The following TTC17 variants were observed in gnomAD, a reference collection of about 807,000 sequenced individuals.
TTC17 encodes the protein tetratricopeptide repeat protein 17.
TTC17 carries 58 observed loss-of-function variants against 143.8 expected under a neutral mutation model. The observed-to-expected ratio is 0.40, with a 90% CI of 0.33 to 0.50. TTC17 has a LOEUF of 0.50. Among genes scored for constraint, TTC17 ranks in the 20% least tolerant of loss-of-function variants. TTC17 has a pLI of 0.49. For missense variants in TTC17, 1,273 were observed against 1,392.5 expected, an observed-to-expected ratio of 0.91 and a Z score of 1.37; for synonymous variants, 501 against 497.8, an observed-to-expected ratio of 1.01 and a Z score of -0.09.
chr11:43,426,138 T>C (rs368320998), intron 16 of TTC17, among the ~76,000 whole-genome samples: 1 of 152,254 alleles, frequency 6.6e-6, no homozygotes, highest in South Asian at 2.1e-4. Flanking sequence ...AATAAAGCCC[T>C]ATTTCACTTG....
rs78822028 is a variant in TTC17, at chr11:43,492,886, G to A, written c.3294+723G>A. 9.1e-3 allele frequency among the ~76,000 whole-genome samples: 1,388 copies of A among 152,340 alleles called. 14 individuals are homozygous for A. The highest frequency in any genetic ancestry group is 0.014 in the Admixed American group (215 of 15,302). On this transcript the variant is annotated intron_variant, in intron 23 of 23. Transcript: ENST00000039989. ...ATTTAGCATGAGAATCATGCCATTC[G>A]CTTTCATCTAAAATGTGGCATCACA...
At chr11:43,370,222 G>A (rs1173946308) in intron 1 of TTC17, 1 of 370,718 alleles carries the variant, frequency 2.7e-6, no homozygotes, top group Non-Finnish European at 5.4e-6. Flanking sequence ...TCCATGAGAA[G>A]TGGAGCAACA....
intron 23 of TTC17, 117 bp downstream of exon 23, chr11:43,492,280 T>C: frequency 7.3e-7 from 1 of 1,360,766 alleles, no homozygotes; most frequent in Non-Finnish European, 9.9e-7. Context: ...TTGTCTAAAA[T>C]TGCTGGTTCC....
rs140757551 is a variant in TTC17, at chr11:43,444,882, T to A, written c.2665+673T>A. 6.6e-5 allele frequency among the ~76,000 whole-genome samples: 10 copies of A among 152,294 alleles called. No homozygotes were observed. In the East Asian group the frequency reaches 1.9e-3, roughly 29 times the overall value. On this transcript the variant is annotated intron_variant, in intron 18 of 23. Transcript: ENST00000039989. ...TTAAATGTGTAACACACATTTTATT[T>A]AACTGAAGTGAATTTTGCGGCAGTC... is the stretch of plus-strand genomic sequence containing the variant.
intron 21 of TTC17, chr11:43,466,698 A>C: frequency 5.5e-6 from 2 of 366,114 alleles, no homozygotes; most frequent in African/African-American, 4.3e-5. Context: ...TGCTGCACCC[A>C]AAACAAATGA....
At chr11:43,482,061 C>T (rs1379092196) in intron 21 of TTC17, among the ~76,000 whole-genome samples, 7 of 151,986 alleles carry the variant, frequency 4.6e-5, no homozygotes, top group South Asian at 2.1e-4. Context: ...CCACCCACCT[C>T]GGCCTCCCAA....
At chr11:43,412,119 T>C (rs1858440435) in intron 15 of TTC17, among the ~76,000 whole-genome samples, 1 of 152,244 alleles carries the variant, frequency 6.6e-6, no homozygotes, top group South Asian at 2.1e-4. Context: ...TACTTTGGGC[T>C]GCTTATGAAA....
chr11:43,362,145 T>C (rs1856133806), intron 1 of TTC17, among the ~76,000 whole-genome samples: 1 of 133,260 alleles, frequency 7.5e-6, no homozygotes, highest in Admixed American at 8.1e-5. Flanking sequence ...CACACCCGGC[T>C]AATTTGTGTG....
chr11:43,447,794 CACCTATCTTT>C (rs1428721413), intron 18 of TTC17, 198 bp from the exon 19 acceptor site: 1 of 519,112 alleles, frequency 1.9e-6, no homozygotes, highest in African/African-American at 1.9e-5. Flanking sequence ...CTTACTTCTC[CACCTATCTTT>C]ACTCAGAGAT....
chr11:43,483,449 G>C (rs946935416), intron 21 of TTC17, among the ~76,000 whole-genome samples: 1 of 151,934 alleles, frequency 6.6e-6, no homozygotes, highest in Non-Finnish European at 1.5e-5. Context: ...CATGAACTTA[G>C]GTATCAAAAT....
intron 16 of TTC17, among the ~76,000 whole-genome samples, chr11:43,426,262 C>T (rs1947025231): frequency 6.6e-6 from 1 of 152,210 alleles, no homozygotes; most frequent in Non-Finnish European, 1.5e-5. Context: ...TTGGGAGAGA[C>T]TGAGTAAGAT....
intron 1 of TTC17, among the ~76,000 whole-genome samples, chr11:43,376,591 C>G (rs552942285): frequency 7.4e-4 from 113 of 152,242 alleles, no homozygotes; most frequent in African/African-American, 2.6e-3. Flanking sequence ...ATTCCTGTCT[C>G]CTTTTTGCTT....
intron 2 of TTC17, among the ~76,000 whole-genome samples, chr11:43,382,870 CTTTTTCT>C (rs1043377709): frequency 1.3e-5 from 2 of 152,010 alleles, no homozygotes; most frequent in African/African-American, 2.4e-5. Flanking sequence ...ATCCAATTTC[CTTTTTCT>C]TTTTTCTTTT....
At chr11:43,471,142 C>T (rs1406696093) in intron 21 of TTC17, among the ~76,000 whole-genome samples, 2 of 152,178 alleles carry the variant, frequency 1.3e-5, no homozygotes, top group Non-Finnish European at 2.9e-5. Context: ...ACTCAGGCTG[C>T]AGCTCAGAGG....
At chr11:43,445,517 A>G (rs143513093) in intron 18 of TTC17, among the ~76,000 whole-genome samples, 152 of 152,296 alleles carry the variant, frequency 1.0e-3, no homozygotes, top group African/African-American at 3.4e-3. Context: ...TATTACTTTT[A>G]TAAACAAAAA....
chr11:43,415,176 A>G (rs2134625662), intron 16 of TTC17, among the ~76,000 whole-genome samples: 1 of 152,298 alleles, frequency 6.6e-6, no homozygotes, highest in Admixed American at 6.5e-5. Context: ...TCACTGAAAT[A>G]CAGCTCCTTG....
At chr11:43,469,657 A>G (rs1285845337) in intron 21 of TTC17, among the ~76,000 whole-genome samples, 1 of 152,228 alleles carries the variant, frequency 6.6e-6, no homozygotes, top group Admixed American at 6.5e-5. Flanking sequence ...AATAACATAT[A>G]GGGATAGAAA....
In TTC17 at chr11:43,464,599, A is replaced by G. The variant is rs201116927; in HGVS notation, c.3030+13334A>G. Among the ~76,000 whole-genome samples, 5 of 152,340 alleles carry G rather than the reference A, an allele frequency of 3.3e-5. No individual in the cohort carries two copies. In the East Asian group the frequency reaches 9.7e-4, roughly 29 times the overall value. ...GGGATTTTAAACCTAATTTCTAAGG[A>G]GCTTTTACAGGGAAGGAAGAAGGTC... On this transcript the variant is annotated intron_variant, in intron 21 of 23. Coordinates refer to ENST00000039989, the MANE Select transcript of TTC17 (RefSeq NM_018259.6).
chr11:43,363,385 A>G (rs755300382), intron 1 of TTC17, among the ~76,000 whole-genome samples: 5 of 152,222 alleles, frequency 3.3e-5, no homozygotes, highest in Non-Finnish European at 5.9e-5. Flanking sequence ...AAAAAAATAT[A>G]TGTTCCATGC....
Sources: gnomAD v4.1 joint callset for allele counts (sites outside exome capture counted in the v4.1 genomes callset) on GRCh38, gnomAD v4.1.1 for gene constraint, MANE v1.5 for transcripts, NCBI Gene and HGNC (gene_info 2026-07-23, HGNC 2026-07-21) for gene names.